The following DLC1 variants were observed in gnomAD, a reference collection of about 807,000 sequenced individuals.
DLC1 encodes rho GTPase-activating protein 7.
In DLC1, 54 loss-of-function variants were observed where a neutral mutation model predicts 140.3. The ratio of observed to expected loss-of-function variants is 0.38; its 90% CI spans 0.31 to 0.48. The LOEUF is 0.48. Ranked by LOEUF, DLC1 falls within the 20% of genes least tolerant of loss-of-function variation. The pLI is 0.96. For synonymous variants in DLC1, 986 were observed against 728.1 expected (o/e 1.35, Z -5.70); for missense variants, 2,536 against 1,907.0 (o/e 1.33, Z -6.14).
In DLC1 at chr8:13,423,067, C is replaced by A. The variant is rs139622952; in HGVS notation, c.1024-21448G>T. On this transcript the variant is annotated intron_variant, in intron 2 of 17. Transcript: ENST00000276297. ...GTAAGACTCTAGCTCTAGCTCAGTT[C>A]TTATTGCAAAGCACAGTGAAAGGCA... Among the ~76,000 whole-genome samples, 19 of 152,254 alleles carry A rather than the reference C, an allele frequency of 1.2e-4. No homozygotes were observed. The East Asian group carries it at 3.7e-3, about 29-fold the overall frequency.
At chr8:13,540,015 A>G (rs1803431367) in intron 1 of DLC1, among the ~76,000 whole-genome samples, 2 of 152,232 alleles carry the variant, frequency 1.3e-5, no homozygotes, top group African/African-American at 4.8e-5. Context: ...GACAGTTCAC[A>G]GAGATGTGTG....
chr8:13,346,814 C>G (rs895086634), intron 4 of DLC1, among the ~76,000 whole-genome samples: 4 of 152,150 alleles, frequency 2.6e-5, no homozygotes, highest in South Asian at 4.1e-4. Context: ...AAGGTTCTAT[C>G]TCCTCTTGGA....
chr8:13,237,574 A>G (rs1442211841), intron 5 of DLC1, among the ~76,000 whole-genome samples: 1 of 152,058 alleles, frequency 6.6e-6, no homozygotes, highest in African/African-American at 2.4e-5. Context: ...AGCAATGTAC[A>G]GTGTACCCAC....
intron 2 of DLC1, among the ~76,000 whole-genome samples, chr8:13,422,235 G>A (rs1838349112): frequency 6.6e-6 from 1 of 152,078 alleles, no homozygotes; most frequent in Admixed American, 6.6e-5. Context: ...TAATCTTTCT[G>A]TGTTTTCAAA....
At chr8:13,312,636 AG>A (rs1216827468) in intron 4 of DLC1, among the ~76,000 whole-genome samples, 10 of 152,078 alleles carry the variant, frequency 6.6e-5, no homozygotes, top group Admixed American at 2.6e-4. Flanking sequence ...CATTGCTAAT[AG>A]AAAAAATGCC....
rs527426575 is a variant in DLC1, at chr8:13,463,663, G to A, written c.1023+35386C>T. On this transcript the variant is annotated intron_variant, in intron 2 of 17. Coordinates refer to ENST00000276297, the MANE Select transcript of DLC1 (RefSeq NM_182643.3). ...TTGGGGCTAGTCACTTCTGGTCATG[G>A]GGAAAGGACGTTGTTCTAATAGCCA... Among the ~76,000 whole-genome samples the A allele has an allele frequency of 1.1e-4, 17 of 152,280 alleles. No individual in the cohort carries two copies. The East Asian group carries it at 2.9e-3, about 26-fold the overall frequency.
intron 1 of DLC1, among the ~76,000 whole-genome samples, chr8:13,553,917 C>T (rs1274982680): frequency 5.3e-5 from 8 of 152,060 alleles, no homozygotes; most frequent in African/African-American, 1.9e-4. Flanking sequence ...TTATGTCTCC[C>T]TTGCTACTCT....
intron 1 of DLC1, among the ~76,000 whole-genome samples, chr8:13,545,119 A>G (rs967258314): frequency 1.3e-5 from 2 of 152,260 alleles, no homozygotes; most frequent in South Asian, 2.1e-4. Flanking sequence ...GAATAAATAC[A>G]TATGTAAATA....
In DLC1 at chr8:13,450,816, G is replaced by A. The variant is rs146620836; in HGVS notation, c.1023+48233C>T. The stretch of plus-strand genomic sequence containing the variant: ...AGCACTTCGGGAGGCCGAGGTGGGC[G>A]GATCAGGAGGTCAAGATATTGAGAC... On this transcript the variant is annotated intron_variant, in intron 2 of 17. Coordinates refer to ENST00000276297, the MANE Select transcript of DLC1 (RefSeq NM_182643.3). Among the ~76,000 whole-genome samples the A allele has an allele frequency of 4.3e-3, 649 of 151,780 alleles. 8 individuals are homozygous for A. Among genetic ancestry groups the A allele is most frequent in the African/African-American group, 0.015 (622 of 41,438 alleles).
intron 5 of DLC1, among the ~76,000 whole-genome samples, chr8:13,188,038 A>T (rs1395573060): frequency 6.6e-6 from 1 of 151,654 alleles, no homozygotes; most frequent in Non-Finnish European, 1.5e-5. Flanking sequence ...GCTATACAGA[A>T]TCCAGGATAT....
intron 2 of DLC1, among the ~76,000 whole-genome samples, chr8:13,486,038 A>G (rs1332959101): frequency 2.0e-5 from 3 of 152,216 alleles, no homozygotes; most frequent in Non-Finnish European, 4.4e-5. Context: ...CAGCTTGTTT[A>G]AAATTTATCA....
chr8:13,382,317 C>T (rs552469824), intron 4 of DLC1, among the ~76,000 whole-genome samples: 147 of 151,456 alleles, frequency 9.7e-4, no homozygotes, highest in Non-Finnish European at 1.4e-3. Context: ...ACCATCCTGG[C>T]TAACACGTTG....
At chr8:13,519,514 A>T (rs1270452005), upstream of DLC1, among the ~76,000 whole-genome samples, 2 of 152,212 alleles carry the variant, frequency 1.3e-5, no homozygotes, top group African/African-American at 4.8e-5. Context: ...TTCAATAAGC[A>T]TCATGCGCAT....
At chr8:13,473,496 C>G (rs1462119198) in intron 2 of DLC1, among the ~76,000 whole-genome samples, 3 of 152,108 alleles carry the variant, frequency 2.0e-5, no homozygotes, top group African/African-American at 7.2e-5. Context: ...GAGCGGGGTG[C>G]TGCTGTATAT....
At chr8:13,189,227 C>G (rs1451459588) in intron 5 of DLC1, among the ~76,000 whole-genome samples, 1 of 152,154 alleles carries the variant, frequency 6.6e-6, no homozygotes, top group Non-Finnish European at 1.5e-5. Context: ...AGGTTATATA[C>G]AGATTCATTT....
At chr8:13,260,982 CT>C (rs1428844760) in intron 5 of DLC1, among the ~76,000 whole-genome samples, 31 of 152,076 alleles carry the variant, frequency 2.0e-4, no homozygotes, top group Non-Finnish European at 3.1e-4. Context: ...GTGTGTATGC[CT>C]TTTGGTTTAT....
At chr8:13,122,160 T>A (rs1178247363) in intron 5 of DLC1, among the ~76,000 whole-genome samples, 1 of 152,216 alleles carries the variant, frequency 6.6e-6, no homozygotes, top group Non-Finnish European at 1.5e-5. Context: ...TATTTCATTA[T>A]GTCACTCCCC....
chr8:13,544,956 A>C (rs7822459), intron 1 of DLC1, among the ~76,000 whole-genome samples: 13,163 of 152,180 alleles, frequency 0.086, 820 homozygotes, highest in African/African-American at 0.17. Context: ...CACTATTTAC[A>C]TAGACTCCAA....
intron 4 of DLC1, among the ~76,000 whole-genome samples, chr8:13,319,474 C>CGGTG (rs1554496247): frequency 1.7e-5 from 1 of 57,558 alleles, no homozygotes; most frequent in African/African-American, 7.6e-5. Flanking sequence ...GCTGGCGGGG[C>CGGTG]GGGGGGGGGG....
Sources: allele counts gnomAD v4.1 joint callset (sites outside exome capture counted in the v4.1 genomes callset), GRCh38; gene constraint gnomAD v4.1.1; transcripts MANE v1.5; gene names NCBI Gene and HGNC (gene_info 2026-07-23, HGNC 2026-07-21).